Variants in CREB5 observed in about 807,000 individuals in gnomAD.
The protein encoded by CREB5 is cyclic AMP-responsive element-binding protein 5.
A neutral mutation model predicts 57.1 loss-of-function variants in CREB5; 19 were observed. That is an observed-to-expected ratio of 0.33 (90% CI 0.23 to 0.49). CREB5 has a LOEUF of 0.49. CREB5 is among the 20% of genes least tolerant of loss of function. The probability of loss-of-function intolerance (pLI) is 0.99; values close to 1 mark genes in which losing one functional copy is unlikely to be tolerated. For synonymous variants in CREB5, 238 were observed against 238.3 expected (o/e 1.00, Z 0.01); for missense variants, 579 against 671.6 (o/e 0.86, Z 1.52).
chr7:28,449,671 T>C (rs1789689645), intron 1 of CREB5, among the ~76,000 whole-genome samples: 1 of 152,254 alleles, frequency 6.6e-6, no homozygotes, highest in South Asian at 2.1e-4. Context: ...ATGCAATTCG[T>C]GTTTGTTGCT....
chr7:28,488,302 A>G lies in CREB5; in HGVS notation c.75+56A>G, dbSNP rs529852275. The G allele has an allele frequency of 4.7e-5, 72 of 1,529,332 alleles. No individual in the cohort carries two copies. In the South Asian group the frequency reaches 7.5e-4, roughly 16 times the overall value. 94.7% of individuals were successfully genotyped at this position (1,529,332 alleles called of 1,614,324 possible). A position where few individuals can be genotyped will look rare whatever the true frequency, so the allele number is the denominator to read the frequency against. On this transcript the variant is annotated intron_variant, in intron 2 of 10. Transcript: ENST00000357727. ...TGCAGGGCCTGCTTTCCGAAAGGGA[A>G]GCAACTCTCACCCGGCAATCATGCC... is the stretch of plus-strand genomic sequence containing the variant.
intron 5 of CREB5, among the ~76,000 whole-genome samples, chr7:28,715,173 A>T (rs2128744873): frequency 6.6e-6 from 1 of 152,346 alleles, no homozygotes; most frequent in Middle Eastern, 3.4e-3. Context: ...ATCAAAAGAA[A>T]TGAACTGTGA....
chr7:28,565,255 G>A (rs1795431987), intron 4 of CREB5, among the ~76,000 whole-genome samples: 1 of 152,164 alleles, frequency 6.6e-6, no homozygotes. Context: ...GAATCCTTTT[G>A]GTGACGTAGC....
intron 1 of CREB5, among the ~76,000 whole-genome samples, chr7:28,487,794 C>G (rs1791630974): frequency 6.6e-6 from 1 of 152,190 alleles, no homozygotes; most frequent in East Asian, 1.9e-4. Flanking sequence ...ATCCCAAAAG[C>G]TTTCAGCAGG....
intron 4 of CREB5, among the ~76,000 whole-genome samples, chr7:28,550,557 C>G (rs577883527): frequency 3.9e-5 from 6 of 152,308 alleles, no homozygotes; most frequent in African/African-American, 1.4e-4. Flanking sequence ...TCTTCCCCGA[C>G]TACTTTCCCT....
At chr7:28,796,451 C>T (rs578078059) in intron 7 of CREB5, among the ~76,000 whole-genome samples, 9 of 152,264 alleles carry the variant, frequency 5.9e-5, no homozygotes, top group African/African-American at 1.9e-4. Flanking sequence ...CCCACCCACT[C>T]CTCCCTCATC....
intron 5 of CREB5, among the ~76,000 whole-genome samples, chr7:28,675,727 A>G (rs976108737): frequency 6.6e-5 from 10 of 152,076 alleles, no homozygotes; most frequent in African/African-American, 2.2e-4. Flanking sequence ...TACCCTTGCA[A>G]AGTGGTGCAG....
intron 4 of CREB5, among the ~76,000 whole-genome samples, chr7:28,560,889 T>G (rs1354303136): frequency 5.5e-5 from 1 of 18,210 alleles, no homozygotes; most frequent in African/African-American, 2.5e-4. Flanking sequence ...CGTGCGTGCG[T>G]GTGTGTGCGT....
intron 4 of CREB5, among the ~76,000 whole-genome samples, chr7:28,560,987 T>TGCGTGTGTGCACGTGTGTGCGCGTGC (rs1212595303): frequency 1.6e-5 from 1 of 64,454 alleles, no homozygotes; most frequent in Non-Finnish European, 3.5e-5. Flanking sequence ...TGTGCGTGCG[T>TGCGTGTGTGCACGTGTGTGCGCGTGC]GTGTGTGCCT....
intron 4 of CREB5, among the ~76,000 whole-genome samples, chr7:28,559,829 C>G (rs1242446804): frequency 6.6e-6 from 1 of 152,220 alleles, no homozygotes; most frequent in East Asian, 1.9e-4. Context: ...GGCTGTGTTC[C>G]TTTCTTCCTG....
intron 5 of CREB5, among the ~76,000 whole-genome samples, chr7:28,600,097 C>T (rs1332962474): frequency 6.6e-6 from 1 of 152,064 alleles, no homozygotes; most frequent in Non-Finnish European, 1.5e-5. Context: ...CGCCTTTCTT[C>T]CCACCTTCAA....
intron 7 of CREB5, among the ~76,000 whole-genome samples, chr7:28,744,096 C>T (rs1479767981): frequency 9.7e-4 from 120 of 123,678 alleles, no homozygotes; most frequent in African/African-American, 3.3e-3. Context: ...TGAGAATATG[C>T]GGTGTTTGGT....
At chr7:28,541,031 T>A (rs956685057) in intron 4 of CREB5, among the ~76,000 whole-genome samples, 2 of 152,218 alleles carry the variant, frequency 1.3e-5, no homozygotes, top group African/African-American at 4.8e-5. Flanking sequence ...TTCCAAACTG[T>A]CAATACTAGT....
chr7:28,598,030 C>T (rs1255108573), intron 5 of CREB5, among the ~76,000 whole-genome samples: 1 of 151,850 alleles, frequency 6.6e-6, no homozygotes, highest in East Asian at 1.9e-4. Flanking sequence ...GAACTTGGCA[C>T]ATGTAAGAGA....
chr7:28,627,605 C>T (rs1012265187), intron 5 of CREB5, among the ~76,000 whole-genome samples: 36 of 152,138 alleles, frequency 2.4e-4, no homozygotes, highest in African/African-American at 8.7e-4. Context: ...AGTTGTAGCT[C>T]CCATGACCTG....
At chr7:28,543,311 A>C (rs374968102) in intron 4 of CREB5, among the ~76,000 whole-genome samples, 9 of 152,208 alleles carry the variant, frequency 5.9e-5, no homozygotes, top group African/African-American at 2.2e-4. Flanking sequence ...GGTTTCTTTC[A>C]TATCATTCCA....
At chr7:28,549,387 C>T (rs1794535425) in intron 4 of CREB5, among the ~76,000 whole-genome samples, 1 of 152,184 alleles carries the variant, frequency 6.6e-6, no homozygotes. Context: ...TGCAACCCTA[C>T]ACATTAAACA....
chr7:28,572,111 C>T (rs528070829), intron 5 of CREB5, among the ~76,000 whole-genome samples: 1 of 152,314 alleles, frequency 6.6e-6, no homozygotes, highest in South Asian at 2.1e-4. Flanking sequence ...CCAGAAGGGG[C>T]ACCTTGTCTC....
At chr7:28,379,481 C>T (rs971644774) in intron 1 of CREB5, among the ~76,000 whole-genome samples, 1 of 152,234 alleles carries the variant, frequency 6.6e-6, no homozygotes, top group African/African-American at 2.4e-5. Flanking sequence ...TAAACATGTT[C>T]TCTTCTATCA....
Sources: gnomAD v4.1 joint callset for allele counts (sites outside exome capture counted in the v4.1 genomes callset) on GRCh38, gnomAD v4.1.1 for gene constraint, MANE v1.5 for transcripts, NCBI Gene and HGNC (gene_info 2026-07-23, HGNC 2026-07-21) for gene names.